Variants in OSMR observed in about 807,000 individuals in gnomAD.
The protein encoded by OSMR is oncostatin M receptor.
OSMR carries 81 observed loss-of-function variants against 99.9 expected under a neutral mutation model. That is an observed-to-expected ratio of 0.81 (90% CI 0.68 to 0.97). The LOEUF (loss-of-function observed/expected upper bound fraction) is 0.97, where lower values mean the gene tolerates loss of function less well. Ranked by LOEUF, OSMR falls within the 50% of genes least tolerant of loss-of-function variation. The pLI is 0.00. For synonymous variants in OSMR, 406 were observed against 410.4 expected, an observed-to-expected ratio of 0.99 and a Z score of 0.13; for missense variants, 1,099 against 1,153.4, an observed-to-expected ratio of 0.95 and a Z score of 0.68.
intron 15 of OSMR, among the ~76,000 whole-genome samples, chr5:38,927,772 T>C (rs1052246233): frequency 2.0e-5 from 3 of 152,230 alleles, no homozygotes; most frequent in Non-Finnish European, 1.5e-5. Flanking sequence ...TATTTATGCA[T>C]ATTTCTGCAG....
chr5:38,881,975 A>T (rs1317064861), intron 4 of OSMR, among the ~76,000 whole-genome samples: 1 of 152,226 alleles, frequency 6.6e-6, no homozygotes, highest in Non-Finnish European at 1.5e-5. Context: ...ACTCATTGAG[A>T]TAGTTGTGCA....
chr5:38,904,617 C>T (rs540313738), intron 9 of OSMR, 114 bp downstream of exon 9: 39 of 1,289,538 alleles, frequency 3.0e-5, no homozygotes, highest in South Asian at 1.6e-4. Flanking sequence ...TAAACAGAGG[C>T]GGGGTAGCAT....
At chr5:38,876,945 TCA>T (rs895989106) in intron 3 of OSMR, among the ~76,000 whole-genome samples, 1 of 152,192 alleles carries the variant, frequency 6.6e-6, no homozygotes, top group Non-Finnish European at 1.5e-5. Context: ...ATACTGACTT[TCA>T]CACTCTTTTT....
chr5:38,885,802 A>T (rs1743689834), intron 6 of OSMR: 1 of 855,822 alleles, frequency 1.2e-6, no homozygotes, highest in South Asian at 5.3e-5. Flanking sequence ...AAATTAAGGG[A>T]TGTTCTTGCC....
At chr5:38,915,538 G>A (rs1745843508) in intron 9 of OSMR, among the ~76,000 whole-genome samples, 1 of 152,128 alleles carries the variant, frequency 6.6e-6, no homozygotes, top group African/African-American at 2.4e-5. Flanking sequence ...TAAACCATTA[G>A]ATTATGAAAC....
intron 2 of OSMR, chr5:38,944,505 T>G: frequency 6.2e-7 from 1 of 1,612,358 alleles, no homozygotes; most frequent in Non-Finnish European, 8.5e-7. Flanking sequence ...TAATGACTAA[T>G]CTTAGAACTT....
chr5:38,887,847 C>T (rs1270901858), intron 7 of OSMR, among the ~76,000 whole-genome samples: 1 of 152,156 alleles, frequency 6.6e-6, no homozygotes, highest in Non-Finnish European at 1.5e-5. Context: ...CTTTAGGCCT[C>T]TGTTAAAATC....
chr5:38,883,230 G>T (rs2112381144), intron 4 of OSMR, among the ~76,000 whole-genome samples: 1 of 152,328 alleles, frequency 6.6e-6, no homozygotes, highest in Middle Eastern at 3.4e-3. Flanking sequence ...CACAAGAATT[G>T]CTTGAAGGTT....
intron 1 of OSMR, among the ~76,000 whole-genome samples, chr5:38,856,430 G>T (rs571852258): frequency 6.6e-6 from 1 of 152,298 alleles, no homozygotes; most frequent in Admixed American, 6.5e-5. Flanking sequence ...AACACAGGGG[G>T]TGGCCTTGTC....
At chr5:38,915,322 CAAT>C (rs1220486245) in intron 9 of OSMR, among the ~76,000 whole-genome samples, 2 of 152,090 alleles carry the variant, frequency 1.3e-5, no homozygotes, top group Non-Finnish European at 2.9e-5. Context: ...TAAACCCTAT[CAAT>C]GATAGTAGAC....
At chr5:38,944,788 C>A in intron 2 of OSMR, 4 of 991,906 alleles carry the variant, frequency 4.0e-6, no homozygotes, top group Non-Finnish European at 6.2e-6. Context: ...TAAATTGCTT[C>A]ACTAAAATGG....
chr5:38,849,510 G>GTAGCTTTA (rs1195187570), intron 1 of OSMR, among the ~76,000 whole-genome samples: 1 of 149,186 alleles, frequency 6.7e-6, no homozygotes, highest in African/African-American at 2.5e-5. Flanking sequence ...GTTAACTACT[G>GTAGCTTTA]TAGCTTTATA....
At chr5:38,902,661 C>A (rs1057085390) in intron 7 of OSMR, among the ~76,000 whole-genome samples, 1 of 152,180 alleles carries the variant, frequency 6.6e-6, no homozygotes, top group African/African-American at 2.4e-5. Flanking sequence ...TGCAGTGTCC[C>A]TTTATCCAAC....
At chr5:38,913,851 G>A (rs780181161) in intron 9 of OSMR, among the ~76,000 whole-genome samples, 3 of 152,204 alleles carry the variant, frequency 2.0e-5, no homozygotes, top group Non-Finnish European at 2.9e-5. Flanking sequence ...TTGCACAGAA[G>A]GAGGTGTTAC....
At chr5:38,918,316 C>T (rs1355995926) in intron 10 of OSMR, among the ~76,000 whole-genome samples, 2 of 152,050 alleles carry the variant, frequency 1.3e-5, no homozygotes, top group Non-Finnish European at 2.9e-5. Context: ...GAGGAACAGA[C>T]CCCAGAAGTG....
intron 9 of OSMR, among the ~76,000 whole-genome samples, chr5:38,916,968 G>T (rs749515459): frequency 1.3e-5 from 2 of 152,052 alleles, no homozygotes; most frequent in Non-Finnish European, 2.9e-5. Context: ...TAGAAGAAAT[G>T]CTGGGTGCTG....
At chr5:38,860,439 C>T (rs966331279) in intron 1 of OSMR, among the ~76,000 whole-genome samples, 1 of 152,048 alleles carries the variant, frequency 6.6e-6, no homozygotes, top group Non-Finnish European at 1.5e-5. Context: ...GGTGTATTAT[C>T]TTTTTGATGT....
downstream of OSMR, among the ~76,000 whole-genome samples, chr5:38,936,860 G>GTTGT (rs1351498059): frequency 6.6e-6 from 1 of 152,164 alleles, no homozygotes; most frequent in Non-Finnish European, 1.5e-5. Flanking sequence ...ATTAAGGAAA[G>GTTGT]TTGTTTTAGT....
chr5:38,876,559 G>T (rs1352822492), intron 3 of OSMR, among the ~76,000 whole-genome samples, 186 bp downstream of exon 3: 2 of 152,136 alleles, frequency 1.3e-5, no homozygotes, highest in Non-Finnish European at 1.5e-5. Flanking sequence ...TGACAACTTT[G>T]GTTTGGTAGG....
Sources: allele counts gnomAD v4.1 joint callset (sites outside exome capture counted in the v4.1 genomes callset), GRCh38; gene constraint gnomAD v4.1.1; transcripts MANE v1.5; gene names NCBI Gene and HGNC (gene_info 2026-07-23, HGNC 2026-07-21).